The following KATNAL2 variants were observed in gnomAD, a reference collection of about 807,000 sequenced individuals.
KATNAL2 encodes the protein katanin catalytic subunit A1 like 2, also known as katanin p60 ATPase-containing subunit A-like 2.
A neutral mutation model predicts 76.3 loss-of-function variants in KATNAL2; 52 were observed. That is an observed-to-expected ratio of 0.68 (90% CI 0.55 to 0.86). The LOEUF (loss-of-function observed/expected upper bound fraction) is 0.86, where lower values mean the gene tolerates loss of function less well. KATNAL2 is among the 40% of genes least tolerant of loss of function. KATNAL2 has a pLI of 0.00. For synonymous variants in KATNAL2, 243 were observed against 244.2 expected (o/e 1.00, Z 0.05); for missense variants, 660 against 668.9 (o/e 0.99, Z 0.15).
intron 15 of KATNAL2, among the ~76,000 whole-genome samples, chr18:47,078,837 T>C (rs993122561): frequency 2.0e-5 from 3 of 152,158 alleles, no homozygotes; most frequent in South Asian, 4.1e-4. Flanking sequence ...AAAAAACGCA[T>C]AAAAATTGAA....
At chr18:47,092,679 C>T (rs1356108513) in intron 15 of KATNAL2, among the ~76,000 whole-genome samples, 1 of 152,144 alleles carries the variant, frequency 6.6e-6, no homozygotes, top group Admixed American at 6.5e-5. Flanking sequence ...GCCTTCTTAC[C>T]AGCTCCAGGC....
At position 46,936,270 on chromosome 18, in the gene KATNAL2, C is replaced by A. The variant is rs192435501; in HGVS notation, c.-509-9787C>A. Reference sequence around the variant, plus strand: ...TCACAAATGCATTATTTCAAGTGCACGTGGATTATTTGTAAAAGTTTAACA... The same window carrying A: ...TCACAAATGCATTATTTCAAGTGCAAGTGGATTATTTGTAAAAGTTTAACA... On this transcript the variant is annotated intron_variant, in intron 1 of 17. Coordinates refer to ENST00000683218, the MANE Select transcript of KATNAL2 (RefSeq NM_001387690.1). Among the ~76,000 whole-genome samples the A allele has an allele frequency of 3.4e-3, 517 of 152,140 alleles. 1 individual carries two copies. Among genetic ancestry groups the A allele is most frequent in the Middle Eastern group, 0.01 (3 of 294 alleles).
chr18:47,059,888 T>C (rs2061581037), intron 8 of KATNAL2, among the ~76,000 whole-genome samples: 1 of 152,162 alleles, frequency 6.6e-6, no homozygotes, highest in Admixed American at 6.5e-5. Flanking sequence ...GTTTCCACAT[T>C]TGTAAATTGA....
intron 1 of KATNAL2, among the ~76,000 whole-genome samples, chr18:46,919,007 ATGTGTGTGTGTGTG>A (rs112427539): frequency 7.0e-6 from 1 of 143,218 alleles, no homozygotes; most frequent in Non-Finnish European, 1.5e-5. Flanking sequence ...ATATATATAT[ATGTGTGTGTGTGTG>A]TGTGTGTGTG....
intron 1 of KATNAL2, among the ~76,000 whole-genome samples, chr18:46,920,810 A>G (rs1036687336): frequency 2.6e-5 from 4 of 152,184 alleles, no homozygotes; most frequent in African/African-American, 9.7e-5. Context: ...CAACTTCCTT[A>G]TAACATAGTA....
At chr18:46,961,577 T>C (rs1490231047) in intron 3 of KATNAL2, among the ~76,000 whole-genome samples, 2 of 152,222 alleles carry the variant, frequency 1.3e-5, no homozygotes, top group Non-Finnish European at 2.9e-5. Context: ...AATTCTCCCC[T>C]AGCTGAAAGA....
In KATNAL2 at chr18:47,099,229, T is replaced by C; in HGVS notation, c.1212-14T>C. On this transcript the variant is annotated splice_polypyrimidine_tract_variant and intron_variant, in intron 15 of 17. Coordinates refer to ENST00000683218, the MANE Select transcript of KATNAL2 (RefSeq NM_001387690.1). ...TTGCAGCCCTGTCCAGCTCCATTTC[T>C]GGTGTGATTTCAGGGAGCTGGACTG... 1 of 1,601,294 alleles carries C rather than the reference T, an allele frequency of 6.2e-7. No homozygotes were observed. Among genetic ancestry groups the C allele is most frequent in the Non-Finnish European group, 8.5e-7 (1 of 1,172,326 alleles).
intron 1 of KATNAL2, among the ~76,000 whole-genome samples, chr18:46,940,460 T>A (rs1003613958): frequency 8.5e-5 from 13 of 152,214 alleles, no homozygotes; most frequent in African/African-American, 3.1e-4. Context: ...GAGTTGACAG[T>A]GTTTAAAGAA....
At chr18:46,958,433 G>C (rs1351297472) in intron 3 of KATNAL2, among the ~76,000 whole-genome samples, 1 of 151,878 alleles carries the variant, frequency 6.6e-6, no homozygotes, top group African/African-American at 2.4e-5. Context: ...AATAAATCTA[G>C]TAAAAAAATA....
In KATNAL2 at chr18:47,101,033, A is replaced by G. The variant is rs201625859; in HGVS notation, c.*28A>G. On this transcript the variant is annotated 3_prime_UTR_variant, in exon 18 of 18. Transcript: ENST00000683218. ...CCACATTTACCCTGACCTGGCCACA[A>G]AGGCAACCACAAAGACCTCCTAGTT... is the stretch of plus-strand genomic sequence containing the variant. The G allele has an allele frequency of 9.1e-5, 146 of 1,612,546 alleles. No individual in the cohort carries two copies. Among genetic ancestry groups the G allele is most frequent in the Non-Finnish European group, 1.2e-4 (143 of 1,179,064 alleles).
In KATNAL2 at chr18:47,032,886, C is replaced by T. The variant is rs568478868; in HGVS notation, c.52-13571C>T. The T allele has an allele frequency of 8.9e-6, 14 of 1,579,818 alleles. No homozygotes were observed. The East Asian group carries it at 2.5e-4, about 28-fold the overall frequency. On this transcript the variant is annotated intron_variant, in intron 3 of 17. Transcript: ENST00000683218. Reference sequence around the variant, plus strand: ...ATGACACCTGCAGAATTCAAAGGCTCAACTTTGCACCAAGTTAAAGGTTCT... The same window carrying T: ...ATGACACCTGCAGAATTCAAAGGCTTAACTTTGCACCAAGTTAAAGGTTCT...
intron 1 of KATNAL2, among the ~76,000 whole-genome samples, chr18:46,924,108 T>C (rs1303414071): frequency 1.3e-5 from 2 of 152,244 alleles, no homozygotes; most frequent in Non-Finnish European, 2.9e-5. Context: ...TTTTGGCTTT[T>C]GTTGCCATTG....
At chr18:47,031,760 G>A (rs767180291) in intron 3 of KATNAL2, among the ~76,000 whole-genome samples, 1 of 152,122 alleles carries the variant, frequency 6.6e-6, no homozygotes, top group Non-Finnish European at 1.5e-5. Flanking sequence ...GTAGGGCCTT[G>A]AGCCTCCCCA....
chr18:47,043,226 C>CAAAA (rs1195140135), intron 3 of KATNAL2, among the ~76,000 whole-genome samples: 1 of 41,688 alleles, frequency 2.4e-5, no homozygotes, highest in Non-Finnish European at 4.4e-5. Flanking sequence ...GACTCCGTTT[C>CAAAA]AAAAAAAAAA....
chr18:46,918,842 G>T (rs1486019749), intron 1 of KATNAL2, among the ~76,000 whole-genome samples: 1 of 151,960 alleles, frequency 6.6e-6, no homozygotes, highest in Admixed American at 6.6e-5. Context: ...CACTTCCTCA[G>T]GAAGACCATC....
At chr18:47,035,259 C>T (rs61746775) in intron 3 of KATNAL2, 116,517 of 1,612,590 alleles carry the variant, frequency 0.072, 4,655 homozygotes, top group Non-Finnish European at 0.083. Flanking sequence ...TGGACCCTGC[C>T]GCCATCTCAC....
At chr18:47,042,267 C>CA (rs1246301319) in intron 3 of KATNAL2, among the ~76,000 whole-genome samples, 3 of 152,174 alleles carry the variant, frequency 2.0e-5, no homozygotes, top group African/African-American at 4.8e-5. Context: ...TTCAAAGCAA[C>CA]AACTAGCTTT....
At chr18:46,955,170 C>CTTTCTTTCTTTCTTTCTTTCT (rs2059701614) in intron 3 of KATNAL2, among the ~76,000 whole-genome samples, 1 of 133,648 alleles carries the variant, frequency 7.5e-6, no homozygotes, top group Non-Finnish European at 1.6e-5. Flanking sequence ...TTCTTTCTTT[C>CTTTCTTTCTTTCTTTCTTTCT]TTTCTTTCTT....
chr18:47,035,345 G>T (rs970547642), intron 3 of KATNAL2: 28 of 1,600,056 alleles, frequency 1.7e-5, no homozygotes, highest in Middle Eastern at 2.3e-4. Context: ...GTCTGGGGTG[G>T]CCGGTCCTCG....
Sources: gnomAD v4.1 joint callset for allele counts (sites outside exome capture counted in the v4.1 genomes callset) on GRCh38, gnomAD v4.1.1 for gene constraint, MANE v1.5 for transcripts, NCBI Gene and HGNC (gene_info 2026-07-23, HGNC 2026-07-21) for gene names.